The following TEX36 variants were observed in gnomAD, a reference collection of about 807,000 sequenced individuals.
The protein encoded by TEX36 is testis expressed 36.
TEX36 carries 12 observed loss-of-function variants against 13.6 expected under a neutral mutation model. That is an observed-to-expected ratio of 0.88 (90% CI 0.56 to 1.43). TEX36 has a LOEUF of 1.43. Ranked by LOEUF, TEX36 falls within the 40% of genes most tolerant of loss-of-function variation. TEX36 has a pLI of 0.00. For missense variants in TEX36, 224 were observed against 228.3 expected, an observed-to-expected ratio of 0.98 and a Z score of 0.12; for synonymous variants, 93 against 83.0, an observed-to-expected ratio of 1.12 and a Z score of -0.65.
At chr10:125,593,779 T>C (rs1846049543) in intron 3 of TEX36, among the ~76,000 whole-genome samples, 1 of 152,058 alleles carries the variant, frequency 6.6e-6, no homozygotes, top group Non-Finnish European at 1.5e-5. Flanking sequence ...AGGGAATTCG[T>C]GTTTGATGGG....
intron 3 of TEX36, among the ~76,000 whole-genome samples, chr10:125,626,933 A>T (rs1846497140): frequency 6.6e-6 from 1 of 152,122 alleles, no homozygotes; most frequent in Admixed American, 6.5e-5. Context: ...GGGGCCTGGG[A>T]AATGGAAGAG....
chr10:125,584,614 G>T (rs1375764979), intron 3 of TEX36, among the ~76,000 whole-genome samples: 1 of 152,182 alleles, frequency 6.6e-6, no homozygotes, highest in Non-Finnish European at 1.5e-5. Context: ...CATCATAAGT[G>T]TGGGGCCCTA....
chr10:125,671,598 T>G (rs909966497), intron 1 of TEX36, among the ~76,000 whole-genome samples: 1 of 152,226 alleles, frequency 6.6e-6, no homozygotes, highest in South Asian at 2.1e-4. Flanking sequence ...TTTTCTTTTT[T>G]TATTGTGTCT....
At chr10:125,660,410 C>T (rs762759981) in intron 3 of TEX36, among the ~76,000 whole-genome samples, 4 of 152,224 alleles carry the variant, frequency 2.6e-5, no homozygotes, top group Non-Finnish European at 5.9e-5. Context: ...CAGGGCTGAG[C>T]CACTGCTCCC....
intron 3 of TEX36, among the ~76,000 whole-genome samples, chr10:125,594,636 A>C (rs1846059715): frequency 6.6e-6 from 1 of 152,262 alleles, no homozygotes; most frequent in African/African-American, 2.4e-5. Flanking sequence ...GGGTCAAAGA[A>C]GAAATTGTGC....
intron 3 of TEX36, among the ~76,000 whole-genome samples, chr10:125,599,740 G>A (rs2133540779): frequency 1.3e-5 from 2 of 152,268 alleles, no homozygotes; most frequent in African/African-American, 4.8e-5. Context: ...TTGTATTTGT[G>A]CAAATACTAC....
At chr10:125,665,076 G>GGTTGTT (rs144778574) in intron 1 of TEX36, among the ~76,000 whole-genome samples, 2 of 151,710 alleles carry the variant, frequency 1.3e-5, no homozygotes, top group African/African-American at 2.4e-5. Context: ...TTGGTTTTTT[G>GGTTGTT]GTTGTTGTTG....
At chr10:125,638,891 C>G (rs950538145) in intron 3 of TEX36, among the ~76,000 whole-genome samples, 1 of 152,250 alleles carries the variant, frequency 6.6e-6, no homozygotes, top group Non-Finnish European at 1.5e-5. Flanking sequence ...ATGCATCATG[C>G]TCCTTCCGTC....
At chr10:125,679,969 T>G (rs1847370120) in intron 1 of TEX36, among the ~76,000 whole-genome samples, 1 of 152,200 alleles carries the variant, frequency 6.6e-6, no homozygotes. Flanking sequence ...CCTATGCCTG[T>G]GAGAAGACTT....
downstream of TEX36, among the ~76,000 whole-genome samples, chr10:125,621,376 T>TA (rs931363075): frequency 1.3e-5 from 2 of 151,986 alleles, no homozygotes; most frequent in African/African-American, 4.8e-5. Flanking sequence ...GTTTTTTTTT[T>TA]AATAGTAGTC....
chr10:125,635,626 C>T (rs1565179971), intron 3 of TEX36, among the ~76,000 whole-genome samples: 2 of 152,162 alleles, frequency 1.3e-5, no homozygotes, highest in Non-Finnish European at 2.9e-5. Flanking sequence ...TTTCTCTTGT[C>T]CCCCAGCACT....
intron 3 of TEX36, among the ~76,000 whole-genome samples, chr10:125,640,957 C>T (rs1301269304): frequency 2.0e-5 from 3 of 151,708 alleles, no homozygotes; most frequent in South Asian, 2.1e-4. Context: ...CTTCCTCCCC[C>T]ACACCCATCT....
intron 3 of TEX36, among the ~76,000 whole-genome samples, chr10:125,605,584 A>T: frequency 6.8e-6 from 1 of 148,108 alleles, no homozygotes; most frequent in Middle Eastern, 3.3e-3. Flanking sequence ...TGGGTCCAAG[A>T]TGTTTATTTA....
chr10:125,648,434 T>C (rs981548045), intron 3 of TEX36, among the ~76,000 whole-genome samples: 1 of 152,216 alleles, frequency 6.6e-6, no homozygotes, highest in East Asian at 1.9e-4. Flanking sequence ...GACCTGCAGC[T>C]GAGGGTCCTG....
At chr10:125,607,546 G>T (rs890616247) in intron 3 of TEX36, among the ~76,000 whole-genome samples, 1 of 152,110 alleles carries the variant, frequency 6.6e-6, no homozygotes, top group African/African-American at 2.4e-5. Context: ...GAGAACATGG[G>T]GATTCATTCA....
At chr10:125,640,265 T>C (rs1846671601) in intron 3 of TEX36, 1 of 951,404 alleles carries the variant, frequency 1.1e-6, no homozygotes, top group African/African-American at 1.8e-5. Flanking sequence ...TTTGTGTTCT[T>C]GTGCCTGTAT....
chr10:125,636,711 T>C (rs564428971), intron 3 of TEX36, among the ~76,000 whole-genome samples: 1 of 152,166 alleles, frequency 6.6e-6, no homozygotes, highest in African/African-American at 2.4e-5. Flanking sequence ...AGGCCAGTTC[T>C]CACTTTCTCC....
Position 125,613,346 on chromosome 10 carries a change from C to T in TEX36, c.265-36472G>A, listed in dbSNP as rs569367827. 2.3e-3 allele frequency among the ~76,000 whole-genome samples: 338 copies of T among 148,032 alleles called. 1 individual carries two copies. Among genetic ancestry groups the T allele is most frequent in the Non-Finnish European group, 3.5e-3 (236 of 67,430 alleles). ...GCACCATGTGCAGGTTAGTTACATA[C>T]GTATACATGTGCCATGCTGGGGCGC... is the stretch of plus-strand genomic sequence containing the variant. On this transcript the variant is annotated intron_variant, in intron 3 of 3. Transcript: ENST00000532135.
At chr10:125,624,956 G>A (rs1434153295) in intron 3 of TEX36, among the ~76,000 whole-genome samples, 3 of 152,168 alleles carry the variant, frequency 2.0e-5, no homozygotes, top group South Asian at 2.1e-4. Context: ...CTGCAGAGGA[G>A]GCCAGGGTGA....
Sources: allele counts gnomAD v4.1 joint callset (sites outside exome capture counted in the v4.1 genomes callset), GRCh38; gene constraint gnomAD v4.1.1; transcripts MANE v1.5; gene names NCBI Gene and HGNC (gene_info 2026-07-23, HGNC 2026-07-21).